Variants in FAM53A observed in about 807,000 individuals in gnomAD.
The protein encoded by FAM53A is family with sequence similarity 53 member A.
In FAM53A, 28 loss-of-function variants were observed where a neutral mutation model predicts 26.6. That is an observed-to-expected ratio of 1.05 (90% CI 0.78 to 1.45). FAM53A has a LOEUF of 1.45. Among genes scored for constraint, FAM53A ranks in the 40% most tolerant of loss-of-function variants. The probability of loss-of-function intolerance (pLI) is 0.00; values close to 1 mark genes in which losing one functional copy is unlikely to be tolerated. For missense variants in FAM53A, 650 were observed against 575.8 expected (o/e 1.13, Z -1.32); for synonymous variants, 290 against 253.1 (o/e 1.15, Z -1.38).
At chr4:1,664,795 T>C (rs951702784) in intron 2 of FAM53A, among the ~76,000 whole-genome samples, 2 of 151,830 alleles carry the variant, frequency 1.3e-5, no homozygotes, top group Non-Finnish European at 1.5e-5. Flanking sequence ...CTGACCAACA[T>C]GGTGAAACCC....
chr4:1,593,302 G>C, the FAM53A span, among the ~76,000 whole-genome samples: 23 of 152,162 alleles, frequency 1.5e-4, no homozygotes, highest in African/African-American at 5.1e-4. Flanking sequence ...AAGCCGGCGC[G>C]GCAGGTGCGC....
intron 4 of FAM53A, among the ~76,000 whole-genome samples, chr4:1,645,838 T>G (rs781677312): frequency 6.6e-6 from 1 of 152,260 alleles, no homozygotes; most frequent in Non-Finnish European, 1.5e-5. Context: ...AAACATTCCA[T>G]GTTCTTGATG....
In FAM53A at chr4:1,643,398, G is replaced by A. The variant is rs1018676530; in HGVS notation, c.883-1791C>T. On this transcript the variant is annotated intron_variant, in intron 4 of 4. Transcript: ENST00000308132. ...GGAGAATGGCGTGAACCCGGGAGGC[G>A]GAGCTTGCAGTGAGCCGAGATTGGG... 4.6e-5 allele frequency among the ~76,000 whole-genome samples: 7 copies of A among 151,856 alleles called. No individual in the cohort carries two copies. In the South Asian group the frequency reaches 6.3e-4, roughly 14 times the overall value.
chr4:1,598,765 T>C, the FAM53A span, among the ~76,000 whole-genome samples: 1 of 152,234 alleles, frequency 6.6e-6, no homozygotes, highest in Admixed American at 6.5e-5. Context: ...AAGATTTTGA[T>C]AAAATCATGC....
the FAM53A span, among the ~76,000 whole-genome samples, chr4:1,581,233 T>C: frequency 0.039 from 1,931 of 50,112 alleles, no homozygotes; most frequent in Middle Eastern, 0.093. Flanking sequence ...CTCACCCAGG[T>C]CCCGCCTCCA....
chr4:1,597,499 C>T, the FAM53A span, among the ~76,000 whole-genome samples: 1 of 152,346 alleles, frequency 6.6e-6, no homozygotes, highest in Non-Finnish European at 1.5e-5. Context: ...GAGCCACACA[C>T]CCCACACAGG....
intron 4 of FAM53A, among the ~76,000 whole-genome samples, chr4:1,649,194 G>A (rs537491514): frequency 1.5e-4 from 22 of 143,926 alleles, no homozygotes; most frequent in African/African-American, 4.6e-4. Context: ...GGAAGGGGAA[G>A]GGGAAAGGGA....
At chr4:1,576,316 G>A in the FAM53A span, among the ~76,000 whole-genome samples, 8 of 152,206 alleles carry the variant, frequency 5.3e-5, no homozygotes, top group African/African-American at 1.7e-4. Flanking sequence ...GTGCTCACTC[G>A]GAAAGTGACA....
chr4:1,657,335 CA>C (rs2108923671), intron 3 of FAM53A, 72 bp downstream of exon 3: 2 of 1,407,094 alleles, frequency 1.4e-6, no homozygotes, highest in East Asian at 4.6e-5. Flanking sequence ...GTTCTGCGTC[CA>C]GGACCCTCCC....
intron 1 of FAM53A, among the ~76,000 whole-genome samples, chr4:1,680,614 G>A (rs113148074): frequency 2.0e-4 from 31 of 152,260 alleles, no homozygotes; most frequent in Admixed American, 9.8e-4. Flanking sequence ...GGTACATCCA[G>A]ACAGTGTAAT....
intron 1 of FAM53A, among the ~76,000 whole-genome samples, chr4:1,619,098 T>C (rs1714919450): frequency 6.6e-6 from 1 of 151,966 alleles, no homozygotes; most frequent in Admixed American, 6.5e-5. Flanking sequence ...GCTCTCTTCC[T>C]CCTGGGGTCA....
chr4:1,579,795 C>T, the FAM53A span, among the ~76,000 whole-genome samples: 2 of 152,138 alleles, frequency 1.3e-5, no homozygotes, highest in African/African-American at 4.8e-5. Flanking sequence ...CGAAGGGGCG[C>T]GGCCCCAGCG....
chr4:1,664,152 A>G (rs1370563730), intron 2 of FAM53A, among the ~76,000 whole-genome samples: 3 of 152,230 alleles, frequency 2.0e-5, no homozygotes, highest in East Asian at 3.9e-4. Flanking sequence ...CTGACCGGAT[A>G]GAGATATTAA....
At chr4:1,585,211 A>G in the FAM53A span, among the ~76,000 whole-genome samples, 1 of 151,796 alleles carries the variant, frequency 6.6e-6, no homozygotes, top group Non-Finnish European at 1.5e-5. Context: ...TTACTCTTCC[A>G]ATCTATTAAT....
At chr4:1,574,663 C>G in the FAM53A span, 1 of 152,484 alleles carries the variant, frequency 6.6e-6, no homozygotes, top group Middle Eastern at 3.1e-3. Flanking sequence ...CAGCCCCACT[C>G]TGTCCCAGCC....
chr4:1,587,626 T>C, the FAM53A span, among the ~76,000 whole-genome samples: 1 of 152,022 alleles, frequency 6.6e-6, no homozygotes, highest in African/African-American at 2.4e-5. Flanking sequence ...GAGCTGAGAT[T>C]GCGCCACTGC....
chr4:1,629,927 G>A (rs1039818935), intron 1 of FAM53A, among the ~76,000 whole-genome samples: 2 of 152,184 alleles, frequency 1.3e-5, no homozygotes, highest in African/African-American at 4.8e-5. Flanking sequence ...GCTTAAAGCT[G>A]TGGTTTATTC....
the FAM53A span, among the ~76,000 whole-genome samples, chr4:1,611,174 C>T: frequency 2.6e-5 from 4 of 152,322 alleles, no homozygotes; most frequent in Admixed American, 6.5e-5. Flanking sequence ...GCGCAGTGGG[C>T]GGTGTCCCTC....
the FAM53A span, among the ~76,000 whole-genome samples, chr4:1,579,180 C>A: frequency 5.3e-4 from 80 of 149,802 alleles, no homozygotes; most frequent in African/African-American, 1.4e-3. Flanking sequence ...CCCTGCCCCC[C>A]CTGCCCTCCC....
Sources: allele counts gnomAD v4.1 joint callset (sites outside exome capture counted in the v4.1 genomes callset), GRCh38; gene constraint gnomAD v4.1.1; transcripts MANE v1.5; gene names NCBI Gene and HGNC (gene_info 2026-07-23, HGNC 2026-07-21).